ARHGEF6: variants seen among roughly 807,000 people sequenced by gnomAD.
ARHGEF6 encodes the protein rho guanine nucleotide exchange factor 6.
In ARHGEF6, 9 loss-of-function variants were observed where a neutral mutation model predicts 70.3. The observed-to-expected ratio is 0.13, with a 90% CI of 0.08 to 0.22. ARHGEF6 has a LOEUF of 0.22. Among genes scored for constraint, ARHGEF6 ranks in the 10% least tolerant of loss-of-function variants. The pLI, the probability that ARHGEF6 is intolerant of heterozygous loss-of-function variation, is 1.00. For missense variants in ARHGEF6, 470 were observed against 563.0 expected, an observed-to-expected ratio of 0.83 and a Z score of 1.67; for synonymous variants, 201 against 207.8, an observed-to-expected ratio of 0.97 and a Z score of 0.28.
intron 5 of ARHGEF6, among the ~76,000 whole-genome samples, chrX:136,738,330 C>A (rs2077008320): frequency 9.0e-6 from 1 of 111,486 alleles, no homozygotes; most frequent in Admixed American, 9.5e-5. Flanking sequence ...ATCTTCAGTA[C>A]CAATCACCCG....
chrX:136,690,046 T>C (rs1435312384), intron 10 of ARHGEF6, among the ~76,000 whole-genome samples: 4 of 112,231 alleles, frequency 3.6e-5, no homozygotes, highest in Non-Finnish European at 7.5e-5. Flanking sequence ...GACTCTGATG[T>C]ACATGCATGA....
chrX:136,716,089 C>T (rs1466418649), intron 6 of ARHGEF6, among the ~76,000 whole-genome samples: 2 of 112,227 alleles, frequency 1.8e-5, no homozygotes, highest in Non-Finnish European at 3.8e-5. Flanking sequence ...TACAGGCATG[C>T]GCCATCACGC....
chrX:136,729,000 TTCTCTCTCTCTCTCTCTCTCTCTC>T (rs746818580), intron 6 of ARHGEF6, among the ~76,000 whole-genome samples: 5 of 16,075 alleles, frequency 3.1e-4, no homozygotes, highest in South Asian at 5.0e-3. Flanking sequence ...TCCTTATTCA[TTCTCTCTCTCTCTCTCTCTCTCTC>T]TCTCTCTCTC....
chrX:136,776,989 C>T (rs2077410881), intron 2 of ARHGEF6, among the ~76,000 whole-genome samples: 1 of 112,014 alleles, frequency 8.9e-6, no homozygotes, highest in African/African-American at 3.2e-5. Context: ...CTTTGGGAGA[C>T]CCAGGCGGGC....
intron 5 of ARHGEF6, among the ~76,000 whole-genome samples, chrX:136,735,914 C>T (rs1234773267): frequency 8.9e-6 from 1 of 111,890 alleles, no homozygotes; most frequent in African/African-American, 3.3e-5. Context: ...TCTTAATATG[C>T]CTTAATACAA....
chrX:136,679,236 A>G (rs1413180363), intron 16 of ARHGEF6, among the ~76,000 whole-genome samples: 1 of 112,390 alleles, frequency 8.9e-6, no homozygotes, highest in Non-Finnish European at 1.9e-5. Context: ...TGTGTACATT[A>G]TTAACAAATC....
intron 6 of ARHGEF6, among the ~76,000 whole-genome samples, chrX:136,729,042 CT>C (rs2076902500): frequency 1.1e-5 from 1 of 94,282 alleles, no homozygotes; most frequent in African/African-American, 4.1e-5. Flanking sequence ...CTCTCTCTCT[CT>C]CTCTCTCTCT....
intron 13 of ARHGEF6, among the ~76,000 whole-genome samples, chrX:136,682,438 C>T (rs2076341623): frequency 8.9e-6 from 1 of 111,745 alleles, no homozygotes; most frequent in African/African-American, 3.2e-5. Context: ...AGGAGCAGGT[C>T]CCAGCTTTAT....
intron 7 of ARHGEF6, among the ~76,000 whole-genome samples, chrX:136,710,448 G>A (rs1225914912): frequency 3.7e-5 from 4 of 106,927 alleles, no homozygotes; most frequent in African/African-American, 1.4e-4. Context: ...AACTCTGAGA[G>A]AATAAAAAAC....
intron 2 of ARHGEF6, 113 bp from the exon 3 acceptor site, chrX:136,747,705 A>AAT: frequency 2.0e-6 from 1 of 505,480 alleles, no homozygotes; most frequent in South Asian, 3.0e-5. Context: ...AAAAAAAAAA[A>AAT]GTGTAGAAGC....
At chrX:136,718,676 T>C (rs1055564090) in intron 6 of ARHGEF6, among the ~76,000 whole-genome samples, 3 of 111,503 alleles carry the variant, frequency 2.7e-5, no homozygotes, top group African/African-American at 9.7e-5. Flanking sequence ...ATATTTTGAA[T>C]CTCTAAGCAG....
At chrX:136,735,508 C>T (rs1230236230) in intron 5 of ARHGEF6, among the ~76,000 whole-genome samples, 3 of 111,163 alleles carry the variant, frequency 2.7e-5, no homozygotes, top group African/African-American at 9.8e-5. Context: ...CTAGAACGAA[C>T]ATGAAAATGT....
intron 20 of ARHGEF6, 58 bp from the exon 21 acceptor site, chrX:136,669,594 T>C (rs1313079627): frequency 2.1e-6 from 2 of 961,551 alleles, no homozygotes; most frequent in African/African-American, 3.9e-5. Context: ...ACTGTTAAAA[T>C]ACTTAACAAT....
At chrX:136,778,558 C>A (rs1050936891) in intron 2 of ARHGEF6, among the ~76,000 whole-genome samples, 1 of 109,243 alleles carries the variant, frequency 9.2e-6, no homozygotes, top group African/African-American at 3.4e-5. Flanking sequence ...GCAATCACAG[C>A]TCACTGCAAC....
chrX:136,735,577 G>A (rs1217559583), intron 5 of ARHGEF6, among the ~76,000 whole-genome samples: 1 of 111,286 alleles, frequency 9.0e-6, no homozygotes, highest in Non-Finnish European at 1.9e-5. Context: ...ACCAGTGCGG[G>A]GGGAAATCAG....
At chrX:136,672,347 C>T (rs890302626) in intron 19 of ARHGEF6, among the ~76,000 whole-genome samples, 1 of 111,519 alleles carries the variant, frequency 9.0e-6, no homozygotes, top group South Asian at 3.8e-4. Context: ...AGGTGGGAAG[C>T]ATTTTGTATT....
At chrX:136,669,760 T>C (rs1217784835) in intron 20 of ARHGEF6, among the ~76,000 whole-genome samples, 1 of 111,896 alleles carries the variant, frequency 8.9e-6, no homozygotes, top group Admixed American at 9.4e-5. Flanking sequence ...ATTACACCTT[T>C]TCTATACTTC....
At chrX:136,711,553 T>TTTTTG (rs757363565) in intron 7 of ARHGEF6, among the ~76,000 whole-genome samples, 9 of 111,751 alleles carry the variant, frequency 8.1e-5, no homozygotes, top group Non-Finnish European at 1.5e-4. Context: ...AATACTTTGT[T>TTTTTG]TTTTGTTTTG....
intron 6 of ARHGEF6, among the ~76,000 whole-genome samples, chrX:136,730,979 C>T (rs899121309): frequency 9.0e-6 from 1 of 111,250 alleles, no homozygotes; most frequent in Non-Finnish European, 1.9e-5. Context: ...CCACTACAAC[C>T]TTTCTTTAAA....
Sources: gnomAD v4.1 joint callset for allele counts (sites outside exome capture counted in the v4.1 genomes callset) on GRCh38, gnomAD v4.1.1 for gene constraint, MANE v1.5 for transcripts, NCBI Gene and HGNC (gene_info 2026-07-23, HGNC 2026-07-21) for gene names.